The following TMEM114 variants were observed in gnomAD, a reference collection of about 807,000 sequenced individuals.
The protein encoded by TMEM114 is transmembrane protein 114, also known as claudin-26.
Under a neutral mutation model 6.2 loss-of-function variants are expected in TMEM114, and 6 were observed. That is an observed-to-expected ratio of 0.97 (90% CI 0.53 to 1.91). The LOEUF (loss-of-function observed/expected upper bound fraction) is 1.91, where lower values mean the gene tolerates loss of function less well. TMEM114 is among the 40% of genes most tolerant of loss of function. The probability of loss-of-function intolerance (pLI) is 0.01; values close to 1 mark genes in which losing one functional copy is unlikely to be tolerated. For missense variants in TMEM114, 218 were observed against 158.3 expected, an observed-to-expected ratio of 1.38 and a Z score of -2.02; for synonymous variants, 104 against 73.0, an observed-to-expected ratio of 1.42 and a Z score of -2.16.
chr16:8,530,419 A>G, the TMEM114 span, among the ~76,000 whole-genome samples: 1 of 152,198 alleles, frequency 6.6e-6, no homozygotes, highest in South Asian at 2.1e-4. Context: ...ATTAGTTCTT[A>G]AAACTCTTTC....
intron 2 of TMEM114, among the ~76,000 whole-genome samples, chr16:8,556,790 A>T (rs1253230529): frequency 1.3e-5 from 2 of 152,238 alleles, no homozygotes; most frequent in African/African-American, 4.8e-5. Flanking sequence ...GGCGTGAGCC[A>T]CCGCGCCTGA....
At chr16:8,547,050 C>G (rs1201741645) in intron 2 of TMEM114, among the ~76,000 whole-genome samples, 1 of 152,186 alleles carries the variant, frequency 6.6e-6, no homozygotes, top group East Asian at 1.9e-4. Flanking sequence ...TTTATCCAGT[C>G]TGCATATAAT....
chr16:8,578,353 C>T (rs1243105976), intron 2 of TMEM114, among the ~76,000 whole-genome samples: 7 of 152,106 alleles, frequency 4.6e-5, no homozygotes, highest in Admixed American at 1.3e-4. Flanking sequence ...TCCTGGGAGC[C>T]GTTGGCAATC....
At chr16:8,553,853 C>G (rs901267970) in intron 2 of TMEM114, among the ~76,000 whole-genome samples, 2 of 151,800 alleles carry the variant, frequency 1.3e-5, no homozygotes, top group Non-Finnish European at 2.9e-5. Flanking sequence ...GCTCACACCA[C>G]TATGGCTGCT....
intron 2 of TMEM114, among the ~76,000 whole-genome samples, chr16:8,562,444 GTGAA>G (rs1311202789): frequency 6.6e-6 from 1 of 150,848 alleles, no homozygotes; most frequent in African/African-American, 2.4e-5. Context: ...GAGTGAATGA[GTGAA>G]TGAGTGAGTG....
intron 2 of TMEM114, among the ~76,000 whole-genome samples, chr16:8,580,101 AG>A (rs1189094277): frequency 6.6e-6 from 1 of 152,172 alleles, no homozygotes; most frequent in Non-Finnish European, 1.5e-5. Context: ...GGTCACAAAT[AG>A]CCCCACAAGC....
intron 2 of TMEM114, among the ~76,000 whole-genome samples, chr16:8,545,091 C>T (rs941916063): frequency 6.6e-6 from 1 of 152,038 alleles, no homozygotes; most frequent in African/African-American, 2.4e-5. Flanking sequence ...TATATTGCAC[C>T]CTTTCTCTTT....
At chr16:8,572,883 G>C (rs12103064) in intron 2 of TMEM114, among the ~76,000 whole-genome samples, 1 of 152,200 alleles carries the variant, frequency 6.6e-6, no homozygotes, top group Admixed American at 6.5e-5. Flanking sequence ...CTCCACAGCC[G>C]TGGGACCTTA....
intron 3 of TMEM114, among the ~76,000 whole-genome samples, chr16:8,571,336 G>A (rs1309586379): frequency 6.6e-6 from 1 of 152,142 alleles, no homozygotes; most frequent in Non-Finnish European, 1.5e-5. Context: ...TGTATTTACG[G>A]TACACAGCAT....
At chr16:8,566,635 G>A (rs560391321), downstream of TMEM114, among the ~76,000 whole-genome samples, 27 of 152,186 alleles carry the variant, frequency 1.8e-4, no homozygotes, top group African/African-American at 5.5e-4. Context: ...CATGGGCATC[G>A]CCCACTGCCT....
the TMEM114 span, among the ~76,000 whole-genome samples, chr16:8,530,309 C>T: frequency 6.6e-6 from 1 of 152,142 alleles, no homozygotes; most frequent in Non-Finnish European, 1.5e-5. Flanking sequence ...TTGCGGAGAC[C>T]TGGCTCCACA....
chr16:8,536,392 G>A (rs1321775780), downstream of TMEM114, among the ~76,000 whole-genome samples: 4 of 151,920 alleles, frequency 2.6e-5, no homozygotes, highest in South Asian at 2.1e-4. Context: ...CGTCTTCTTC[G>A]GGAACTTTGA....
chr16:8,566,088 G>C (rs1478409555), downstream of TMEM114, among the ~76,000 whole-genome samples: 1 of 152,032 alleles, frequency 6.6e-6, no homozygotes, highest in Non-Finnish European at 1.5e-5. Context: ...AGAATGGATC[G>C]GGCCAGGCAC....
intron 2 of TMEM114, among the ~76,000 whole-genome samples, chr16:8,541,086 T>A (rs1260586300): frequency 1.3e-5 from 2 of 152,100 alleles, no homozygotes; most frequent in Non-Finnish European, 2.9e-5. Flanking sequence ...CTAATGATAA[T>A]AATGACCACA....
At chr16:8,575,717 G>T (rs1901899354) in intron 2 of TMEM114, among the ~76,000 whole-genome samples, 1 of 152,162 alleles carries the variant, frequency 6.6e-6, no homozygotes, top group Non-Finnish European at 1.5e-5. Context: ...TGTGTACTGA[G>T]GAAGAGGTAA....
intron 2 of TMEM114, among the ~76,000 whole-genome samples, chr16:8,562,430 G>T (rs1250303234): frequency 1.3e-5 from 2 of 151,296 alleles, no homozygotes; most frequent in East Asian, 1.9e-4. Flanking sequence ...GTGAATAAGT[G>T]AGTGAGTGAA....
At chr16:8,569,355 G>T, downstream of TMEM114, 4 of 667,938 alleles carry the variant, frequency 6.0e-6, no homozygotes, top group Non-Finnish European at 7.5e-6. Flanking sequence ...GCTCCCCAGA[G>T]AGAGCTGAAC....
intron 2 of TMEM114, among the ~76,000 whole-genome samples, chr16:8,587,097 A>G (rs963531685): frequency 6.6e-6 from 1 of 152,140 alleles, no homozygotes; most frequent in African/African-American, 2.4e-5. Flanking sequence ...CCACAGAAAT[A>G]GGCAAATGCT....
At chr16:8,547,878 G>C (rs1486966789) in intron 2 of TMEM114, among the ~76,000 whole-genome samples, 1 of 152,110 alleles carries the variant, frequency 6.6e-6, no homozygotes, top group African/African-American at 2.4e-5. Flanking sequence ...CCTCTTACTT[G>C]CTGGGCTTGG....
Sources: allele counts gnomAD v4.1 joint callset (sites outside exome capture counted in the v4.1 genomes callset), GRCh38; gene constraint gnomAD v4.1.1; transcripts MANE v1.5; gene names NCBI Gene and HGNC (gene_info 2026-07-23, HGNC 2026-07-21).